Variants in CPEB1 observed in about 807,000 individuals in gnomAD.
CPEB1 encodes the protein cytoplasmic polyadenylation element binding protein 1, also known as cytoplasmic polyadenylation element-binding protein 1.
In CPEB1, 7 loss-of-function variants were observed where a neutral mutation model predicts 65.8. The ratio of observed to expected loss-of-function variants is 0.11; its 90% CI spans 0.06 to 0.20. The LOEUF (loss-of-function observed/expected upper bound fraction) is 0.20, where lower values mean the gene tolerates loss of function less well. Among genes scored for constraint, CPEB1 ranks in the 10% least tolerant of loss-of-function variants. The probability of loss-of-function intolerance (pLI) is 1.00; values close to 1 mark genes in which losing one functional copy is unlikely to be tolerated. For missense variants in CPEB1, 551 were observed against 712.2 expected, an observed-to-expected ratio of 0.77 and a Z score of 2.58; for synonymous variants, 262 against 260.0, an observed-to-expected ratio of 1.01 and a Z score of -0.08.
chr15:82,574,110 C>T (rs889785303), intron 3 of CPEB1, among the ~76,000 whole-genome samples: 1 of 152,182 alleles, frequency 6.6e-6, no homozygotes, highest in Non-Finnish European at 1.5e-5. Flanking sequence ...GTTCTACACA[C>T]AGTATAATTC....
chr15:82,639,753 T>G (rs2046953627), intron 1 of CPEB1, among the ~76,000 whole-genome samples: 1 of 152,180 alleles, frequency 6.6e-6, no homozygotes, highest in Admixed American at 6.5e-5. Flanking sequence ...ATATGGTTTA[T>G]GCTGAACATC....
At chr15:82,550,132 C>A (rs1332089673) in intron 9 of CPEB1, among the ~76,000 whole-genome samples, 1 of 152,124 alleles carries the variant, frequency 6.6e-6, no homozygotes, top group Non-Finnish European at 1.5e-5. Context: ...GTTACTGGCC[C>A]AACCTAGCCT....
chr15:82,576,555 C>A (rs987796829), intron 3 of CPEB1, among the ~76,000 whole-genome samples: 13 of 152,136 alleles, frequency 8.5e-5, no homozygotes, highest in African/African-American at 3.1e-4. Context: ...TGTGATAAGG[C>A]AAATATGACA....
At chr15:82,643,787 G>A (rs1358499132) in intron 1 of CPEB1, among the ~76,000 whole-genome samples, 1 of 152,070 alleles carries the variant, frequency 6.6e-6, no homozygotes, top group African/African-American at 2.4e-5. Flanking sequence ...TGCCCCGGGA[G>A]CTTATCTCAG....
intron 4 of CPEB1, among the ~76,000 whole-genome samples, chr15:82,561,118 A>G (rs2038114619): frequency 6.6e-6 from 1 of 152,262 alleles, no homozygotes; most frequent in Admixed American, 6.5e-5. Context: ...AAGAGGTGGG[A>G]CATTGAAGAT....
At chr15:82,594,537 T>C (rs1484926980) in intron 3 of CPEB1, among the ~76,000 whole-genome samples, 1 of 152,184 alleles carries the variant, frequency 6.6e-6, no homozygotes, top group East Asian at 1.9e-4. Context: ...TGATCTTCTA[T>C]CTCGACTACT....
chr15:82,547,289 CT>C (rs71156035), intron 10 of CPEB1, 52 bp from the exon 11 acceptor site: 93,732 of 385,414 alleles, frequency 0.24, 1,188 homozygotes, highest in African/African-American at 0.3. Context: ...CCAAATGCTA[CT>C]TTTTTTTTTT....
upstream of CPEB1, chr15:82,647,916 G>A: frequency 8.1e-7 from 1 of 1,227,534 alleles, no homozygotes; most frequent in Non-Finnish European, 1.0e-6. Flanking sequence ...CCGGCCAGCC[G>A]GCGGGCGAGA....
rs569397889 is a variant in CPEB1 at position 82,573,182 on chromosome 15, G to A, written c.272-1650C>T. 3.9e-5 allele frequency: 59 copies of A among 1,531,278 alleles called. No individual in the cohort carries two copies. In the East Asian group the frequency reaches 1.3e-3, roughly 34 times the overall value. 94.9% of individuals were successfully genotyped at this position (1,531,278 alleles called of 1,614,324 possible). A position where few individuals can be genotyped will look rare whatever the true frequency, so the allele number is the denominator to read the frequency against. ...TCCTGCAGTACACCCTGTGTCCACAGGCACTCAGGCATAGCCTAGAAGGGA... is the reference window on the plus strand; with the variant it reads ...TCCTGCAGTACACCCTGTGTCCACAAGCACTCAGGCATAGCCTAGAAGGGA... On this transcript the variant is annotated intron_variant, in intron 3 of 12. Transcript: ENST00000684509.
chr15:82,560,396 A>AT (rs1392588985), intron 4 of CPEB1, among the ~76,000 whole-genome samples: 21 of 138,544 alleles, frequency 1.5e-4, no homozygotes, highest in African/African-American at 3.1e-4. Flanking sequence ...TCTTATTGTC[A>AT]TTTGTTTTTT....
At chr15:82,553,345 T>C in intron 8 of CPEB1, 122 bp downstream of exon 8, 1 of 702,320 alleles carries the variant, frequency 1.4e-6, no homozygotes. Context: ...GTCTGTGCCC[T>C]GGAGTGCCCA....
chr15:82,630,747 AG>A (rs760883304), intron 1 of CPEB1, among the ~76,000 whole-genome samples: 2 of 152,250 alleles, frequency 1.3e-5, no homozygotes, highest in African/African-American at 2.4e-5. Flanking sequence ...GGGGGTAAAG[AG>A]GAAGTTCTAA....
intron 3 of CPEB1, among the ~76,000 whole-genome samples, chr15:82,591,830 T>C (rs1238036577): frequency 6.6e-6 from 1 of 151,896 alleles, no homozygotes; most frequent in African/African-American, 2.4e-5. Flanking sequence ...ATTGTTTTAG[T>C]TTGTATCAGA....
chr15:82,546,825 T>C (rs1595989137), intron 11 of CPEB1, among the ~76,000 whole-genome samples: 1 of 152,110 alleles, frequency 6.6e-6, no homozygotes, highest in African/African-American at 2.4e-5. Context: ...ATTAGCAGTA[T>C]AGGCAAGTGT....
intron 3 of CPEB1, among the ~76,000 whole-genome samples, chr15:82,610,956 C>A (rs1478772004): frequency 1.6e-4 from 5 of 30,818 alleles, no homozygotes; most frequent in African/African-American, 4.6e-4. Context: ...AGACTCCAGT[C>A]TCAAAAAAAA....
At chr15:82,615,440 C>G (rs1373837701) in intron 3 of CPEB1, among the ~76,000 whole-genome samples, 2 of 152,074 alleles carry the variant, frequency 1.3e-5, no homozygotes, top group South Asian at 4.2e-4. Context: ...AACTATGTAG[C>G]AGAAGAGCAT....
rs587598138 is a variant in CPEB1, at chr15:82,642,173, A to G, written c.-98+4964T>C. On this transcript the variant is annotated intron_variant, in intron 1 of 12. Coordinates refer to ENST00000684509, the MANE Select transcript of CPEB1 (RefSeq NM_001365242.1). The stretch of plus-strand genomic sequence containing the variant: ...GCTCACAGAAGATGAGACGCTCTAA[A>G]GCAGGCTGCAACAACGGCAGGAAAA... Among the ~76,000 whole-genome samples the G allele has an allele frequency of 1.3e-4, 20 of 152,358 alleles. No homozygotes were observed. In the South Asian group the frequency reaches 4.1e-3, roughly 32 times the overall value.
intron 3 of CPEB1, among the ~76,000 whole-genome samples, chr15:82,598,455 C>T (rs1248952879): frequency 1.3e-5 from 2 of 152,102 alleles, no homozygotes; most frequent in Non-Finnish European, 2.9e-5. Context: ...GATTGCACCA[C>T]TCCAGCCTGA....
intron 3 of CPEB1, among the ~76,000 whole-genome samples, chr15:82,620,493 C>T (rs967947869): frequency 8.6e-5 from 13 of 151,924 alleles, no homozygotes; most frequent in Non-Finnish European, 1.8e-4. Context: ...TACAATTTAT[C>T]TATGCAATTA....
Sources: gnomAD v4.1 joint callset for allele counts (sites outside exome capture counted in the v4.1 genomes callset) on GRCh38, gnomAD v4.1.1 for gene constraint, MANE v1.5 for transcripts, NCBI Gene and HGNC (gene_info 2026-07-23, HGNC 2026-07-21) for gene names.